The following DSCAM variants were observed in gnomAD, a reference collection of about 807,000 sequenced individuals.
DSCAM encodes the protein cell adhesion molecule DSCAM.
In DSCAM, 47 loss-of-function variants were observed where a neutral mutation model predicts 217.7. That is an observed-to-expected ratio of 0.22 (90% CI 0.17 to 0.28). The LOEUF is 0.28. DSCAM is among the 10% of genes least tolerant of loss of function. DSCAM has a pLI of 1.00. For missense variants in DSCAM, 2,080 were observed against 2,618.3 expected, an observed-to-expected ratio of 0.79 and a Z score of 4.49; for synonymous variants, 1,056 against 1,015.3, an observed-to-expected ratio of 1.04 and a Z score of -0.76.
At chr21:40,414,995 G>C (rs543782827) in intron 3 of DSCAM, among the ~76,000 whole-genome samples, 7 of 152,228 alleles carry the variant, frequency 4.6e-5, no homozygotes, top group Non-Finnish European at 7.4e-5. Context: ...TATAATATAT[G>C]CCTACAACAT....
intron 11 of DSCAM, among the ~76,000 whole-genome samples, chr21:40,237,875 A>C (rs2146936205): frequency 6.6e-6 from 1 of 152,280 alleles, no homozygotes; most frequent in East Asian, 1.9e-4. Flanking sequence ...TGGTGATGAC[A>C]CTGGGCCTGC....
At chr21:40,603,499 C>T (rs756359209) in intron 3 of DSCAM, among the ~76,000 whole-genome samples, 3 of 152,144 alleles carry the variant, frequency 2.0e-5, no homozygotes, top group South Asian at 2.1e-4. Context: ...TTTATTCCTA[C>T]GAAGCTCCTC....
chr21:40,413,540 C>A (rs1399516997), intron 3 of DSCAM, among the ~76,000 whole-genome samples: 2 of 152,204 alleles, frequency 1.3e-5, no homozygotes, highest in Non-Finnish European at 2.9e-5. Flanking sequence ...TTTGTTTTTG[C>A]CAATTTCTCC....
At chr21:40,529,676 A>G (rs1487048900) in intron 3 of DSCAM, among the ~76,000 whole-genome samples, 1 of 152,120 alleles carries the variant, frequency 6.6e-6, no homozygotes, top group Non-Finnish European at 1.5e-5. Context: ...AGCTCTTTCC[A>G]TATAAGAATG....
Position 40,187,958 on chromosome 21 carries a change from A to T in DSCAM, c.2583T>A (p.Gly861=). 6.2e-7 allele frequency: 1 copy of T among 1,614,000 alleles called. No individual in the cohort carries two copies. Among genetic ancestry groups the T allele is most frequent in the Non-Finnish European group, 8.5e-7 (1 of 1,179,996 alleles). Reference sequence around the variant, plus strand: ...AATTAATAGCATGGCAGGAAAAGAAACCAGAATCTTCTCTCACAGTTGGCA... The same window carrying T: ...AATTAATAGCATGGCAGGAAAAGAATCCAGAATCTTCTCTCACAGTTGGCA... ...QILPTVREDS[G]FFSCHAINSY... Residue 861 remains glycine (G), a synonymous_variant, in exon 13 of 33, where the codon GGT becomes GGA. Transcript: ENST00000400454.
At position 40,180,644 on chromosome 21, in the gene DSCAM, C is replaced by T. The variant is rs147174347; in HGVS notation, c.2780-1550G>A. ...TGCCAGGTGCCACAAGATGCAGAGA[C>T]ATTTGCTAAGTAGCCCCTGGAGGAA... On this transcript the variant is annotated intron_variant, in intron 14 of 32. Coordinates refer to ENST00000400454, the MANE Select transcript of DSCAM (RefSeq NM_001389.5). Among the ~76,000 whole-genome samples the T allele has an allele frequency of 1.4e-4, 22 of 152,196 alleles. No individual in the cohort carries two copies. In the East Asian group the frequency reaches 4.1e-3, roughly 28 times the overall value.
chr21:40,586,322 T>A (rs1223755113), intron 3 of DSCAM, among the ~76,000 whole-genome samples: 1 of 152,232 alleles, frequency 6.6e-6, no homozygotes, highest in African/African-American at 2.4e-5. Flanking sequence ...TATTTCTTTA[T>A]AAATTACCCA....
At chr21:40,767,452 G>A (rs147941046) in intron 1 of DSCAM, among the ~76,000 whole-genome samples, 34 of 152,236 alleles carry the variant, frequency 2.2e-4, no homozygotes, top group Admixed American at 3.9e-4. Context: ...CATTCTCTGC[G>A]CTCCCTGCAC....
At chr21:40,494,867 C>T (rs1601689440) in intron 3 of DSCAM, among the ~76,000 whole-genome samples, 2 of 143,024 alleles carry the variant, frequency 1.4e-5, no homozygotes, top group Non-Finnish European at 3.0e-5. Flanking sequence ...GTTAGCTAGA[C>T]TAAGAAAAAA....
At chr21:40,825,817 G>A (rs1216268228) in intron 1 of DSCAM, among the ~76,000 whole-genome samples, 1 of 152,034 alleles carries the variant, frequency 6.6e-6, no homozygotes, top group African/African-American at 2.4e-5. Context: ...AAATACAAGT[G>A]CAGATCTTCC....
At chr21:40,282,478 C>G (rs2123402628) in intron 10 of DSCAM, among the ~76,000 whole-genome samples, 1 of 149,972 alleles carries the variant, frequency 6.7e-6, no homozygotes, top group East Asian at 2.0e-4. Flanking sequence ...GTAGTCCCAG[C>G]TACTAGGGAG....
At chr21:40,291,866 G>GCCCA (rs1373862472) in intron 10 of DSCAM, among the ~76,000 whole-genome samples, 2 of 152,206 alleles carry the variant, frequency 1.3e-5, no homozygotes, top group African/African-American at 2.4e-5. Flanking sequence ...AGCAAAGGAG[G>GCCCA]CCCAGGCCAG....
intron 11 of DSCAM, among the ~76,000 whole-genome samples, chr21:40,219,071 C>T (rs1382012301): frequency 6.6e-6 from 1 of 152,162 alleles, no homozygotes; most frequent in Non-Finnish European, 1.5e-5. Flanking sequence ...AAGGTGAATG[C>T]TTCCAGCTTT....
rs888551903 is a variant in DSCAM at position 40,639,183 on chromosome 21, G to C, written c.508+53627C>G. ...AAAGCACAGGAGAAATCCACCCGTC[G>C]CTGGGATCCACAGGGGAGTAACGCC... On this transcript the variant is annotated intron_variant, in intron 3 of 32. Transcript: ENST00000400454. 3.3e-5 allele frequency among the ~76,000 whole-genome samples: 5 copies of C among 151,816 alleles called. No individual in the cohort carries two copies. In the South Asian group the frequency reaches 1.0e-3, roughly 31 times the overall value.
intron 3 of DSCAM, among the ~76,000 whole-genome samples, chr21:40,415,349 G>A (rs187383134): frequency 3.2e-4 from 48 of 152,302 alleles, no homozygotes; most frequent in African/African-American, 4.3e-4. Flanking sequence ...TTAACAGAGC[G>A]TGCCAAAAGT....
intron 10 of DSCAM, among the ~76,000 whole-genome samples, chr21:40,290,545 C>T (rs1306498555): frequency 3.3e-5 from 5 of 152,054 alleles, no homozygotes; most frequent in African/African-American, 9.7e-5. Flanking sequence ...CTCTTGAACC[C>T]GGGAGGTGGA....
At chr21:40,298,850 C>T (rs1190658060) in intron 9 of DSCAM, among the ~76,000 whole-genome samples, 6 of 152,144 alleles carry the variant, frequency 3.9e-5, no homozygotes. Flanking sequence ...ATTACTCCTC[C>T]CCTCAATTTG....
chr21:40,813,671 G>A (rs2091857737), intron 1 of DSCAM, among the ~76,000 whole-genome samples: 1 of 137,342 alleles, frequency 7.3e-6, no homozygotes, highest in African/African-American at 2.8e-5. Flanking sequence ...TGGTTGAGAT[G>A]GAGTCTCGCT....
intron 1 of DSCAM, among the ~76,000 whole-genome samples, chr21:40,728,479 T>C (rs6517608): frequency 0.89 from 134,672 of 151,886 alleles, 59,930 homozygotes; most frequent in African/African-American, 0.95. Context: ...AGGGCAGTGG[T>C]GCAATCTTGA....
Sources: allele counts gnomAD v4.1 joint callset (sites outside exome capture counted in the v4.1 genomes callset), GRCh38; gene constraint gnomAD v4.1.1; transcripts MANE v1.5; gene names NCBI Gene and HGNC (gene_info 2026-07-23, HGNC 2026-07-21).